The following SLC5A10 variants were observed in gnomAD, a reference collection of about 807,000 sequenced individuals.
SLC5A10 encodes solute carrier family 5 member 10.
In SLC5A10, 55 loss-of-function variants were observed where a neutral mutation model predicts 68.9. The ratio of observed to expected loss-of-function variants is 0.80; its 90% CI spans 0.64 to 1.00. The LOEUF is 1.00. Among genes scored for constraint, SLC5A10 ranks in the 50% least tolerant of loss-of-function variants. The pLI is 0.00. For synonymous variants in SLC5A10, 344 were observed against 344.8 expected (o/e 1.00, Z 0.02); for missense variants, 732 against 819.3 (o/e 0.89, Z 1.30).
At chr17:18,975,226 T>A (rs1457805910) in intron 8 of SLC5A10, among the ~76,000 whole-genome samples, 3 of 152,190 alleles carry the variant, frequency 2.0e-5, no homozygotes, top group Non-Finnish European at 4.4e-5. Context: ...TTCTCCCAAG[T>A]CACAGCAAGC....
At chr17:18,977,885 T>C (rs769831705) in intron 9 of SLC5A10, 2 of 1,610,690 alleles carry the variant, frequency 1.2e-6, no homozygotes, top group East Asian at 2.2e-5. Context: ...TGAGTGGCTG[T>C]CCTGGTCACT....
chr17:19,020,109 C>A, intron 13 of SLC5A10, 46 bp from the exon 14 acceptor site: 1 of 1,173,548 alleles, frequency 8.5e-7, no homozygotes, highest in Non-Finnish European at 1.3e-6. Flanking sequence ...TCACCCCCAC[C>A]CTGCCATCCC....
intron 1 of SLC5A10, among the ~76,000 whole-genome samples, chr17:18,953,128 C>CTT (rs34638037): frequency 0.032 from 4,044 of 125,190 alleles, 101 homozygotes; most frequent in Middle Eastern, 0.05. Context: ...AGTACCCCTT[C>CTT]TTTTTTTTTT....
chr17:18,990,590 G>A (rs2043392259), intron 9 of SLC5A10, among the ~76,000 whole-genome samples: 1 of 151,844 alleles, frequency 6.6e-6, no homozygotes, highest in Non-Finnish European at 1.5e-5. Context: ...CGCACCATGT[G>A]CGCCACTCCC....
chr17:18,967,288 C>G (rs1000198665), intron 5 of SLC5A10, among the ~76,000 whole-genome samples: 9 of 152,118 alleles, frequency 5.9e-5, no homozygotes, highest in Non-Finnish European at 1.0e-4. Flanking sequence ...TTGCTCCTGC[C>G]GTTCCTGCAC....
rs2042749346 is a variant in SLC5A10 at position 18,968,137 on chromosome 17, C to T, written c.454-915C>T. On this transcript the variant is annotated intron_variant, in intron 5 of 14. Coordinates refer to ENST00000395645, the MANE Select transcript of SLC5A10 (RefSeq NM_001042450.4). This position sits in a 1 kb window ranked among gnomAD's most constrained non-coding sequence, Gnocchi z 4.1. ...CCCTGCCTGGGGGAGCTCAAAGGGGCCTGGGGCCTGCACTTCCTGGGCCTC... is the reference window on the plus strand; with the variant it reads ...CCCTGCCTGGGGGAGCTCAAAGGGGTCTGGGGCCTGCACTTCCTGGGCCTC... 6.6e-6 allele frequency among the ~76,000 whole-genome samples: 1 copy of T among 152,156 alleles called. No individual in the cohort carries two copies. Among genetic ancestry groups the T allele is most frequent in the South Asian group, 2.1e-4 (1 of 4,822 alleles).
chr17:18,997,121 TTC>T (rs1214082377), intron 9 of SLC5A10, among the ~76,000 whole-genome samples: 1 of 152,262 alleles, frequency 6.6e-6, no homozygotes, highest in Non-Finnish European at 1.5e-5. Flanking sequence ...AGATCAGGCC[TTC>T]TGAGCACCAA....
rs538629397 is a variant in SLC5A10, at chr17:19,000,752, A to G, written c.983-12658A>G. On this transcript the variant is annotated intron_variant, in intron 9 of 14. Coordinates refer to ENST00000395645, the MANE Select transcript of SLC5A10 (RefSeq NM_001042450.4). This position sits in a 1 kb window ranked among gnomAD's most constrained non-coding sequence, Gnocchi z 5.2. ...GGGGCAGGCAGAGTTCTCCCTACAC[A>G]ATACCAGAGTGAGAAGGGGAGGTGG... is the stretch of plus-strand genomic sequence containing the variant. Among the ~76,000 whole-genome samples the G allele has an allele frequency of 2.6e-5, 4 of 152,288 alleles. No homozygotes were observed. The South Asian group carries it at 8.3e-4, about 32-fold the overall frequency.
chr17:18,983,536 T>C (rs112871523), intron 9 of SLC5A10, among the ~76,000 whole-genome samples: 7,768 of 152,058 alleles, frequency 0.051, 641 homozygotes, highest in African/African-American at 0.17. Context: ...AGTGGGGAGG[T>C]CCAGAGATGC....
chr17:18,993,883 G>A (rs2043495957), intron 9 of SLC5A10, among the ~76,000 whole-genome samples: 1 of 152,228 alleles, frequency 6.6e-6, no homozygotes, highest in South Asian at 2.1e-4. Flanking sequence ...CCACAAGGTT[G>A]TTGGAAATTA....
chr17:18,963,280 C>A (rs778971088), intron 5 of SLC5A10, among the ~76,000 whole-genome samples: 5 of 152,234 alleles, frequency 3.3e-5, no homozygotes, highest in Non-Finnish European at 7.3e-5. Flanking sequence ...AGGTCCAGGT[C>A]ACAGCGAGTC....
Position 18,971,841 on chromosome 17 carries a change from C to T in SLC5A10, c.846+623C>T. On this transcript the variant is annotated intron_variant, in intron 8 of 14. Transcript: ENST00000395645. The surrounding 1 kb of genome is among the most constrained non-coding windows in gnomAD (Gnocchi z 5.5). The stretch of plus-strand genomic sequence containing the variant: ...GCTCAGGCACACAGGAGCCGGCAGG[C>T]CCGGGTTCGCCTCCTGGCTCTGCCA... 1 of 1,383,082 alleles carries T rather than the reference C, an allele frequency of 7.2e-7. No individual in the cohort carries two copies. Among genetic ancestry groups the T allele is most frequent in the Non-Finnish European group, 9.7e-7 (1 of 1,032,576 alleles). 85.7% of individuals were successfully genotyped at this position (1,383,082 alleles called of 1,614,324 possible).
At chr17:18,963,354 C>T (rs528963118) in intron 5 of SLC5A10, among the ~76,000 whole-genome samples, 44 of 152,350 alleles carry the variant, frequency 2.9e-4, no homozygotes, top group African/African-American at 1.1e-3. Context: ...AACCTCAGCC[C>T]TGCTGCCCTG....
chr17:18,997,383 C>A (rs1484295838), intron 9 of SLC5A10, among the ~76,000 whole-genome samples: 1 of 152,256 alleles, frequency 6.6e-6, no homozygotes, highest in Non-Finnish European at 1.5e-5. Context: ...AGATCCTTTC[C>A]CGCTGGCCGC....
At chr17:18,960,725 G>A in intron 5 of SLC5A10, 73 bp downstream of exon 5, 2 of 1,370,182 alleles carry the variant, frequency 1.5e-6, no homozygotes, top group Non-Finnish European at 2.1e-6. Context: ...AAGAGGACCT[G>A]ACATCTTCTC....
intron 9 of SLC5A10, among the ~76,000 whole-genome samples, chr17:18,981,100 G>A (rs1160342783): frequency 1.3e-5 from 2 of 152,240 alleles, no homozygotes; most frequent in African/African-American, 2.4e-5. Flanking sequence ...AGAGATGCCT[G>A]TGATGAGGAT....
At chr17:18,958,596 T>A in intron 1 of SLC5A10, 86 bp from the exon 2 acceptor site, 1 of 1,166,862 alleles carries the variant, frequency 8.6e-7, no homozygotes, top group East Asian at 2.4e-5. Context: ...GCGTAACCTT[T>A]TGAGGAGCTG....
chr17:18,977,682 G>T, intron 9 of SLC5A10: 1 of 1,610,566 alleles, frequency 6.2e-7, no homozygotes. Flanking sequence ...CCACCCTGGG[G>T]TCCAACAAAG....
intron 7 of SLC5A10, chr17:18,970,433 TG>T (rs1385073215): frequency 6.4e-6 from 1 of 156,986 alleles, no homozygotes; most frequent in East Asian, 1.9e-4. Flanking sequence ...TGTTTTGGAC[TG>T]GAGAGGAAAA....
Sources: gnomAD v4.1 joint callset for allele counts (sites outside exome capture counted in the v4.1 genomes callset) on GRCh38, gnomAD v4.1.1 for gene constraint, Gnocchi (gnomAD v3.1) non-coding constraint, MANE v1.5 for transcripts, NCBI Gene and HGNC (gene_info 2026-07-23, HGNC 2026-07-21) for gene names.